LSM6: variants seen among roughly 807,000 people sequenced by gnomAD.
The protein encoded by LSM6 is U6 snRNA-associated Sm-like protein LSm6.
In LSM6, 2 loss-of-function variants were observed where a neutral mutation model predicts 13.5. The observed-to-expected ratio is 0.15, with a 90% CI of 0.06 to 0.47. The LOEUF is 0.47. Ranked by LOEUF, LSM6 falls within the 20% of genes least tolerant of loss-of-function variation. The probability of loss-of-function intolerance (pLI) is 0.97; values close to 1 mark genes in which losing one functional copy is unlikely to be tolerated. For synonymous variants in LSM6, 43 were observed against 34.9 expected (o/e 1.23, Z -0.82); for missense variants, 58 against 96.4 (o/e 0.60, Z 1.67).
intron 1 of LSM6, among the ~76,000 whole-genome samples, chr4:146,180,337 A>G (rs1730205790): frequency 6.6e-6 from 1 of 152,238 alleles, no homozygotes; most frequent in East Asian, 1.9e-4. Flanking sequence ...TGAACTTGAC[A>G]GGTGCTCCGT....
chr4:146,177,123 C>G (rs1730128953), intron 1 of LSM6, among the ~76,000 whole-genome samples: 1 of 151,888 alleles, frequency 6.6e-6, no homozygotes, highest in Admixed American at 6.6e-5. Flanking sequence ...GGCATAACTC[C>G]CTTATATTGC....
Position 146,191,187 on chromosome 4 carries a change from C to A in LSM6, c.*1531C>A, listed in dbSNP as rs1730461855. 1 of 152,120 alleles carries A rather than the reference C, an allele frequency of 6.6e-6. No homozygotes were observed. The highest frequency in any genetic ancestry group is 2.1e-4 in the South Asian group (1 of 4,824). The allele number at this position is 152,120 out of a possible 1,614,324, so 9.4% of individuals were successfully genotyped here. A position where few individuals can be genotyped will look rare whatever the true frequency, so the allele number is the denominator to read the frequency against. ...CAATTTGCTCTTTTATAAATGAGTT[C>A]TTTTAAGGAGAAAATGGATGGCTCT... On this transcript the variant is annotated 3_prime_UTR_variant, in exon 4 of 4. Coordinates refer to ENST00000296581, the MANE Select transcript of LSM6 (RefSeq NM_007080.3).
chr4:146,187,164 A>G (rs1286195935), intron 2 of LSM6, 110 bp from the exon 3 acceptor site: 12 of 597,624 alleles, frequency 2.0e-5, no homozygotes, highest in Non-Finnish European at 3.3e-5. Context: ...TTTTTATATT[A>G]AGCATCTAAG....
chr4:146,185,740 T>C (rs1209879751), intron 2 of LSM6, among the ~76,000 whole-genome samples: 1 of 151,144 alleles, frequency 6.6e-6, no homozygotes, highest in Admixed American at 6.6e-5. Context: ...TTTTTTTTTT[T>C]CTTTTTTCTT....
chr4:146,186,984 C>CT (rs1057261653), intron 2 of LSM6, among the ~76,000 whole-genome samples: 69 of 152,278 alleles, frequency 4.5e-4, no homozygotes, highest in African/African-American at 1.6e-3. Flanking sequence ...TATTCTCTTA[C>CT]TTTTTTGAAT....
chr4:146,183,252 T>C, intron 2 of LSM6: 1 of 386,494 alleles, frequency 2.6e-6, no homozygotes, highest in East Asian at 5.2e-5. Flanking sequence ...CTCCTGTCTC[T>C]GCTTTGAGAT....
At chr4:146,186,437 T>C (rs1730350479) in intron 2 of LSM6, among the ~76,000 whole-genome samples, 1 of 152,064 alleles carries the variant, frequency 6.6e-6, no homozygotes, top group Non-Finnish European at 1.5e-5. Context: ...TTTTTTTTTC[T>C]AGGAAATACC....
At chr4:146,189,574 AC>A (rs748854196) in intron 3 of LSM6, 47 bp from the exon 4 acceptor site, 51 of 1,280,820 alleles carry the variant, frequency 4.0e-5, no homozygotes, top group Non-Finnish European at 5.0e-5. Flanking sequence ...ATGTATACTT[AC>A]AAGCAGGGTT....
chr4:146,178,028 C>T (rs929726577), intron 1 of LSM6, among the ~76,000 whole-genome samples: 1 of 152,206 alleles, frequency 6.6e-6, no homozygotes, highest in Non-Finnish European at 1.5e-5. Context: ...TTGAATGACA[C>T]AAACAGTTGT....
intron 2 of LSM6, 170 bp downstream of exon 2, chr4:146,183,185 A>G (rs932974916): frequency 3.5e-5 from 18 of 512,814 alleles, no homozygotes; most frequent in Admixed American, 2.9e-4. Context: ...TTAGAAGGAC[A>G]ACTCTGACAG....
At chr4:146,180,344 C>T (rs1578677063) in intron 1 of LSM6, among the ~76,000 whole-genome samples, 1 of 152,074 alleles carries the variant, frequency 6.6e-6, no homozygotes, top group African/African-American at 2.4e-5. Flanking sequence ...GACAGGTGCT[C>T]CGTGAAAGTT....
Position 146,189,726 on chromosome 4 carries a change from C to A in LSM6, c.*70C>A. ...TATGAATTTTTTCTAATTTTTGCTT[C>A]TTTTGTGATACAATTTGTCCTCTTT... On this transcript the variant is annotated 3_prime_UTR_variant, in exon 4 of 4. Coordinates refer to ENST00000296581, the MANE Select transcript of LSM6 (RefSeq NM_007080.3). 8.7e-7 allele frequency: 1 copy of A among 1,149,008 alleles called. No individual in the cohort carries two copies. The highest frequency in any genetic ancestry group is 1.3e-6 in the Non-Finnish European group (1 of 792,190). The allele number at this position is 1,149,008 out of a possible 1,614,324, so 71.2% of individuals were successfully genotyped here.
intron 3 of LSM6, chr4:146,187,650 G>C (rs915946623): frequency 6.0e-6 from 2 of 333,688 alleles, no homozygotes; most frequent in Non-Finnish European, 1.1e-5. Context: ...CTGCTTTCTC[G>C]AATATAGTGT....
At chr4:146,179,955 G>C (rs896188945) in intron 1 of LSM6, among the ~76,000 whole-genome samples, 1 of 152,216 alleles carries the variant, frequency 6.6e-6, no homozygotes, top group South Asian at 2.1e-4. Flanking sequence ...TTGGGAAACT[G>C]ACCCAGAGCC....
chr4:146,187,966 G>A (rs960519016), intron 3 of LSM6, among the ~76,000 whole-genome samples: 29 of 152,034 alleles, frequency 1.9e-4, no homozygotes, highest in African/African-American at 6.8e-4. Context: ...ATTTTTGGTG[G>A]GGAGGGAAAG....
chr4:146,176,141 T>C (rs6815527), intron 1 of LSM6: 44,634 of 152,198 alleles, frequency 0.29, 6,917 homozygotes, highest in Middle Eastern at 0.37. Flanking sequence ...GCGTCCGAGA[T>C]CAATTCAGGT....
rs1053917658 is a variant in LSM6, at chr4:146,190,645, G to T, written c.*989G>T. 1 of 152,248 alleles carries T rather than the reference G, an allele frequency of 6.6e-6. No homozygotes were observed. The highest frequency in any genetic ancestry group is 2.4e-5 in the African/African-American group (1 of 41,456). The allele number at this position is 152,248 out of a possible 1,614,324, so 9.4% of individuals were successfully genotyped here. A position where few individuals can be genotyped will look rare whatever the true frequency, so the allele number is the denominator to read the frequency against. On this transcript the variant is annotated 3_prime_UTR_variant, in exon 4 of 4. Coordinates refer to ENST00000296581, the MANE Select transcript of LSM6 (RefSeq NM_007080.3). ...TGCTTGGCACAAGGCAGCTCCTCTG[G>T]TTATGTGACTCCTGCTGAGAGGATT...
At chr4:146,177,596 C>G (rs1316128145) in intron 1 of LSM6, among the ~76,000 whole-genome samples, 3 of 152,144 alleles carry the variant, frequency 2.0e-5, no homozygotes, top group Non-Finnish European at 4.4e-5. Context: ...TTCTTTAAAA[C>G]TCCTCACTTT....
intron 2 of LSM6, among the ~76,000 whole-genome samples, chr4:146,184,072 C>T (rs1220122190): frequency 2.6e-5 from 4 of 152,016 alleles, no homozygotes; most frequent in South Asian, 2.1e-4. Context: ...AGGGCTACGT[C>T]CTCCAGAGAG....
Sources: gnomAD v4.1 joint callset for allele counts (sites outside exome capture counted in the v4.1 genomes callset) on GRCh38, gnomAD v4.1.1 for gene constraint, MANE v1.5 for transcripts, NCBI Gene and HGNC (gene_info 2026-07-23, HGNC 2026-07-21) for gene names.